MX2: variants seen among roughly 807,000 people sequenced by gnomAD.
The protein encoded by MX2 is MX dynamin like GTPase 2.
A neutral mutation model predicts 74.0 loss-of-function variants in MX2; 51 were observed. The observed-to-expected ratio is 0.69, with a 90% CI of 0.55 to 0.87. MX2 has a LOEUF of 0.87. Among genes scored for constraint, MX2 ranks in the 40% least tolerant of loss-of-function variants. The pLI is 0.00. For missense variants in MX2, 832 were observed against 908.7 expected (o/e 0.92, Z 1.09); for synonymous variants, 369 against 339.3 (o/e 1.09, Z -0.96).
At chr21:41,371,930 G>A (rs2089331339) in intron 1 of MX2, among the ~76,000 whole-genome samples, 1 of 152,166 alleles carries the variant, frequency 6.6e-6, no homozygotes, top group Admixed American at 6.5e-5. Flanking sequence ...CCAGAGAGAT[G>A]GAGGGTTTTT....
At position 41,399,036 on chromosome 21, in the gene MX2, G is replaced by T; in HGVS notation, c.1272+17G>T. 6.2e-7 allele frequency: 1 copy of T among 1,607,160 alleles called. No individual in the cohort carries two copies. Among genetic ancestry groups the T allele is most frequent in the South Asian group, 1.1e-5 (1 of 90,722 alleles). The stretch of plus-strand genomic sequence containing the variant: ...CTAATTGAGGTGAGGATTTCCGCAG[G>T]ACTCCACGTGACACTGCATCCTTCC... On this transcript the variant is annotated intron_variant, in intron 9 of 13. Transcript: ENST00000330714.
At chr21:41,400,391 A>C (rs923873392) in intron 10 of MX2, among the ~76,000 whole-genome samples, 1 of 152,152 alleles carries the variant, frequency 6.6e-6, no homozygotes, top group Non-Finnish European at 1.5e-5. Flanking sequence ...CTTTGCCCCT[A>C]ATTCAAGATC....
At chr21:41,390,338 G>T (rs112086098) in intron 5 of MX2, 4 of 531,950 alleles carry the variant, frequency 7.5e-6, no homozygotes, top group African/African-American at 5.7e-5. Flanking sequence ...CTTCAGGAAA[G>T]AAGACATGCC....
At chr21:41,379,789 G>A (rs1185648987) in intron 3 of MX2, among the ~76,000 whole-genome samples, 2 of 152,212 alleles carry the variant, frequency 1.3e-5, no homozygotes, top group Non-Finnish European at 2.9e-5. Context: ...GGAGCTCAGG[G>A]TGCTTACTCC....
At chr21:41,393,877 C>G (rs781550523) in intron 6 of MX2, among the ~76,000 whole-genome samples, 72 of 152,310 alleles carry the variant, frequency 4.7e-4, no homozygotes, top group Non-Finnish European at 7.9e-4. Context: ...ACCTCATTCA[C>G]AGAACCCATC....
At chr21:41,403,493 C>A in intron 12 of MX2, 150 bp downstream of exon 12, 1 of 768,570 alleles carries the variant, frequency 1.3e-6, no homozygotes, top group Admixed American at 1.9e-5. Flanking sequence ...GCTGGTGGAG[C>A]TGGTGACTCC....
intron 1 of MX2, chr21:41,364,647 A>G (rs1393154821): frequency 6.6e-6 from 1 of 152,194 alleles, no homozygotes; most frequent in African/African-American, 2.4e-5. Context: ...AAAAAAATAA[A>G]TATATACATA....
At chr21:41,387,225 G>A (rs555706310) in intron 5 of MX2, among the ~76,000 whole-genome samples, 1 of 152,264 alleles carries the variant, frequency 6.6e-6, no homozygotes, top group Admixed American at 6.5e-5. Context: ...GAGAAGTCAT[G>A]GAAATCTTAG....
chr21:41,389,078 G>C (rs184285005), intron 5 of MX2, among the ~76,000 whole-genome samples: 1 of 152,176 alleles, frequency 6.6e-6, no homozygotes, highest in East Asian at 1.9e-4. Flanking sequence ...CATGGGTGTA[G>C]CAAAGGGAAT....
intron 5 of MX2, among the ~76,000 whole-genome samples, chr21:41,385,883 A>G (rs1235219471): frequency 4.6e-5 from 7 of 152,220 alleles, no homozygotes; most frequent in Non-Finnish European, 1.0e-4. Context: ...AAAAAGTTGG[A>G]AATAGCACAA....
At position 41,380,143 on chromosome 21, in the gene MX2, T is replaced by A. The variant is rs1568936869; in HGVS notation, c.569T>A (p.Ile190Lys). 6.2e-7 allele frequency: 1 copy of A among 1,613,756 alleles called. No homozygotes were observed. The highest frequency in any genetic ancestry group is 1.3e-5 in the African/African-American group (1 of 74,974). Reference sequence around the variant, plus strand: ...GACCCTGGCCAGGTGGAGAAAGAGATACACAAAGGTGGGCCCACGTCATTC... The same window carrying A: ...GACCCTGGCCAGGTGGAGAAAGAGAAACACAAAGGTGGGCCCACGTCATTC... ...LQDPGQVEKE[I>K]HKAQNVMAGN... is the part of the protein sequence containing the mutation. Residue 190 changes from isoleucine (I) to lysine (K), a missense_variant, in exon 4 of 14, where the codon ATA becomes AAA. By Grantham distance (102) the Ile-to-Lys change is moderately radical (BLOSUM62 -3). Coordinates refer to ENST00000330714, the MANE Select transcript of MX2 (RefSeq NM_002463.2). This position sits in a 1 kb window ranked among gnomAD's most constrained non-coding sequence, Gnocchi z 4.3.
rs1264787078 is a variant in MX2 at position 41,408,089 on chromosome 21, A to G, written c.2004A>G (p.Ile668Met). 8 of 1,614,098 alleles carry G rather than the reference A, an allele frequency of 5.0e-6. No homozygotes were observed. The African/African-American group carries it at 8.0e-5, about 16-fold the overall frequency. ...GDSLQKAMMQ[I>M]LQEKNRYSWL... is the part of the protein sequence containing the mutation. ...CCTTGCAGAAAGCCATGATGCAGATACTACAGGAAAAAAATCGCTATTCCT... is the reference window on the plus strand; with the variant it reads ...CCTTGCAGAAAGCCATGATGCAGATGCTACAGGAAAAAAATCGCTATTCCT... Residue 668 changes from isoleucine (I) to methionine (M), a missense_variant, in exon 14 of 14, where the codon ATA becomes ATG. Transcript: ENST00000330714.
chr21:41,381,529 C>T (rs2089492106), intron 4 of MX2, among the ~76,000 whole-genome samples: 1 of 151,794 alleles, frequency 6.6e-6, no homozygotes, highest in Admixed American at 6.6e-5. Flanking sequence ...TCTAAAAATA[C>T]AAAAAATTAG....
In MX2 at chr21:41,400,289, A is replaced by C. The variant is rs536469406; in HGVS notation, c.1414+952A>C. On this transcript the variant is annotated intron_variant, in intron 10 of 13. Transcript: ENST00000330714. The stretch of plus-strand genomic sequence containing the variant: ...TGGGGTGTGATGATCTGGTTTTAGC[A>C]ATAAGTAAAGACTAGATGAAGTAGC... Among the ~76,000 whole-genome samples, 7 of 152,316 alleles carry C rather than the reference A, an allele frequency of 4.6e-5. No homozygotes were observed. The East Asian group carries it at 7.7e-4, about 17-fold the overall frequency.
At chr21:41,394,102 C>T (rs1044094978) in intron 6 of MX2, among the ~76,000 whole-genome samples, 2 of 152,252 alleles carry the variant, frequency 1.3e-5, no homozygotes, top group Admixed American at 6.5e-5. Context: ...TTCGAGCACT[C>T]ACCTTGCCCA....
rs748058643 is a variant in MX2 at position 41,368,972 on chromosome 21, G to C, written c.-72+6917G>C. Among the ~76,000 whole-genome samples the C allele has an allele frequency of 1.3e-5, 2 of 152,150 alleles. No homozygotes were observed. Among genetic ancestry groups the C allele is most frequent in the African/African-American group, 2.4e-5 (1 of 41,440 alleles). On this transcript the variant is annotated intron_variant, in intron 1 of 13. Transcript: ENST00000330714. This position sits in a 1 kb window ranked among gnomAD's most constrained non-coding sequence, Gnocchi z 4.6. ...TAGGGTGGGTGCCACCAGGCCCACC[G>C]AGCTGCTGGGTCCTGGCCAAGCCCT... is the stretch of plus-strand genomic sequence containing the variant.
At chr21:41,405,416 C>T (rs113591407) in intron 12 of MX2, among the ~76,000 whole-genome samples, 1 of 152,094 alleles carries the variant, frequency 6.6e-6, no homozygotes, top group Non-Finnish European at 1.5e-5. Flanking sequence ...ATCAGTGTGT[C>T]GGCATGGTCA....
chr21:41,370,969 A>T (rs1349302310), intron 1 of MX2, among the ~76,000 whole-genome samples: 1 of 152,234 alleles, frequency 6.6e-6, no homozygotes, highest in East Asian at 1.9e-4. Flanking sequence ...AAGATTTCCA[A>T]ATGGACTGCT....
chr21:41,384,167 A>G (rs1018109624), intron 5 of MX2, among the ~76,000 whole-genome samples: 1 of 152,108 alleles, frequency 6.6e-6, no homozygotes, highest in African/African-American at 2.4e-5. Context: ...CATGATTGTA[A>G]GTTTCCTGAG....
Sources: gnomAD v4.1 joint callset for allele counts (sites outside exome capture counted in the v4.1 genomes callset) on GRCh38, gnomAD v4.1.1 for gene constraint, Gnocchi (gnomAD v3.1) non-coding constraint, MANE v1.5 for transcripts, NCBI Gene and HGNC (gene_info 2026-07-23, HGNC 2026-07-21) for gene names.